Variants in PTGR1 observed in about 807,000 individuals in gnomAD.
The protein encoded by PTGR1 is prostaglandin reductase 1.
A neutral mutation model predicts 37.7 loss-of-function variants in PTGR1; 23 were observed. The ratio of observed to expected loss-of-function variants is 0.61; its 90% CI spans 0.44 to 0.86. The LOEUF is 0.86. Among genes scored for constraint, PTGR1 ranks in the 40% least tolerant of loss-of-function variants. The pLI is 0.00. For synonymous variants in PTGR1, 134 were observed against 140.0 expected (o/e 0.96, Z 0.30); for missense variants, 351 against 394.3 (o/e 0.89, Z 0.93).
chr9:111,562,448 G>T (rs1425628577), downstream of PTGR1: 1 of 151,724 alleles, frequency 6.6e-6, no homozygotes, highest in Non-Finnish European at 1.5e-5. Flanking sequence ...GCTAATTTTT[G>T]TATTTTCAGT....
intron 9 of PTGR1, among the ~76,000 whole-genome samples, chr9:111,566,904 T>C (rs983095811): frequency 6.6e-6 from 1 of 152,030 alleles, no homozygotes; most frequent in Non-Finnish European, 1.5e-5. Context: ...CTGGGCAACA[T>C]GGTGAAAGCC....
chr9:111,563,002 C>G lies in PTGR1; in HGVS notation c.*119G>C. The G allele has an allele frequency of 1.4e-6, 2 of 1,448,584 alleles. No individual in the cohort carries two copies. Among genetic ancestry groups the G allele is most frequent in the Non-Finnish European group, 9.1e-7 (1 of 1,103,116 alleles). The allele number at this position is 1,448,584 out of a possible 1,614,324, so 89.7% of individuals were successfully genotyped here. On this transcript the variant is annotated 3_prime_UTR_variant, in exon 10 of 10. Transcript: ENST00000407693. ...CTTAAATGTATTTTATTAAGTAGCT[C>G]AAACTCATTATGAGTACTATTTCTT...
At chr9:111,561,160 A>G (rs1355101319), downstream of PTGR1, among the ~76,000 whole-genome samples, 3 of 139,152 alleles carry the variant, frequency 2.2e-5, no homozygotes, top group Admixed American at 7.2e-5. Context: ...AGAGAGAGAG[A>G]GAGAGAGAGA....
At chr9:111,587,643 G>C (rs1308246402) in intron 4 of PTGR1, among the ~76,000 whole-genome samples, 4 of 152,090 alleles carry the variant, frequency 2.6e-5, no homozygotes, top group African/African-American at 7.2e-5. Context: ...GTAGAGACGG[G>C]GTTTTGCCAT....
intron 8 of PTGR1, among the ~76,000 whole-genome samples, chr9:111,570,415 G>A (rs1451671673): frequency 2.0e-5 from 3 of 152,024 alleles, no homozygotes; most frequent in African/African-American, 7.3e-5. Context: ...CCCCAAACAT[G>A]TTCATATCCA....
In PTGR1 at chr9:111,586,108, T is replaced by A. The variant is rs144740088; in HGVS notation, c.267A>T (p.Pro89=). The A allele has an allele frequency of 3.1e-6, 5 of 1,614,224 alleles. No homozygotes were observed. The East Asian group carries it at 1.1e-4, about 36-fold the overall frequency. Residue 89 remains proline, a synonymous_variant, in exon 5 of 10, where the codon CCA becomes CCT. Transcript: ENST00000407693. ...CAGAAATGGAGTGCGTTGTCCAGCC[T>A]GGAGAAGCCAGTACAATAGTTCCTT... ...LPKGTIVLAS[P]GWTTHSISDG...
intron 9 of PTGR1, among the ~76,000 whole-genome samples, chr9:111,556,770 T>A (rs1273428430): frequency 6.6e-6 from 1 of 152,230 alleles, no homozygotes; most frequent in Non-Finnish European, 1.5e-5. Flanking sequence ...TCTCCCCTGC[T>A]GCCATGTGAA....
At chr9:111,555,735 GA>G (rs1188041461) in intron 9 of PTGR1, among the ~76,000 whole-genome samples, 1 of 152,154 alleles carries the variant, frequency 6.6e-6, no homozygotes, top group Non-Finnish European at 1.5e-5. Flanking sequence ...ACTATCATGA[GA>G]ACAACAGGAG....
At chr9:111,577,941 C>A (rs1358784207) in intron 7 of PTGR1, 1 of 152,072 alleles carries the variant, frequency 6.6e-6, no homozygotes, top group Admixed American at 6.6e-5. Flanking sequence ...TCATAAGAGA[C>A]CACTTTTAGT....
At position 111,597,450 on chromosome 9, in the gene PTGR1, T is replaced by G. The variant is rs1406649674; in HGVS notation, c.-10-18A>C. On this transcript the variant is annotated intron_variant, in intron 1 of 9. Transcript: ENST00000407693. ...TGAAGCTCCTAGAACACAGTAAATA[T>G]GTAGTCAACTGCCATGAAGTGACTG... 2 of 1,491,310 alleles carry G rather than the reference T, an allele frequency of 1.3e-6. No homozygotes were observed. The highest frequency in any genetic ancestry group is 1.9e-6 in the Non-Finnish European group (2 of 1,075,630). 92.4% of individuals were successfully genotyped at this position (1,491,310 alleles called of 1,614,324 possible).
chr9:111,574,830 A>G lies in PTGR1; in HGVS notation c.664T>C (p.Phe222Leu), dbSNP rs1286356286. The G allele has an allele frequency of 3.1e-6, 5 of 1,612,440 alleles. No homozygotes were observed. The African/African-American group carries it at 6.7e-5, about 22-fold the overall frequency. ...DCYFDNVGGE[F>L]SNTVIGQMKK... ...ATCTGGCCGATAACAGTGTTTGAAA[A>G]CTCTCCACCTACCTAAACAGATAGC... Residue 222 changes from phenylalanine (F) to leucine (L), a missense_variant, in exon 8 of 10, where the codon TTT (phenylalanine) becomes CTT (leucine). By Grantham distance (22) the Phe-to-Leu change is conservative. Transcript: ENST00000407693.
At chr9:111,553,070 C>T (rs980440357) in intron 9 of PTGR1, among the ~76,000 whole-genome samples, 2 of 152,306 alleles carry the variant, frequency 1.3e-5, no homozygotes, top group African/African-American at 2.4e-5. Context: ...AAATTTCACT[C>T]GCAGTTCATA....
intron 9 of PTGR1, among the ~76,000 whole-genome samples, chr9:111,555,944 T>C (rs1430072344): frequency 6.6e-6 from 1 of 152,176 alleles, no homozygotes; most frequent in African/African-American, 2.4e-5. Flanking sequence ...CTTAACTCAT[T>C]CTAGCATTAA....
downstream of PTGR1, among the ~76,000 whole-genome samples, chr9:111,558,455 A>G (rs540204295): frequency 2.6e-5 from 4 of 152,256 alleles, no homozygotes; most frequent in East Asian, 3.9e-4. Context: ...AGGTAAGAGG[A>G]TCTCTTTAGC....
chr9:111,558,971 T>G (rs1038795118), downstream of PTGR1, among the ~76,000 whole-genome samples: 3 of 152,044 alleles, frequency 2.0e-5, no homozygotes. Context: ...CTGCAGATGC[T>G]CCTCCATTCC....
intron 9 of PTGR1, chr9:111,563,516 T>C (rs866964540): frequency 1.8e-5 from 4 of 220,246 alleles, no homozygotes; most frequent in Non-Finnish European, 3.6e-5. Flanking sequence ...TTTCTTTTTT[T>C]TTTTTTTGAG....
At chr9:111,597,862 C>T (rs1447277936) in intron 1 of PTGR1, among the ~76,000 whole-genome samples, 3 of 152,190 alleles carry the variant, frequency 2.0e-5, no homozygotes, top group Non-Finnish European at 2.9e-5. Context: ...GAAAAAGCAT[C>T]AAACACAAAG....
At chr9:111,589,642 CTT>C (rs11324819) in intron 4 of PTGR1, among the ~76,000 whole-genome samples, 2 of 147,858 alleles carry the variant, frequency 1.4e-5, no homozygotes, top group Non-Finnish European at 1.5e-5. Flanking sequence ...AACATGAATA[CTT>C]TTTTTTTTTT....
intron 9 of PTGR1, among the ~76,000 whole-genome samples, chr9:111,567,273 C>T (rs749287033): frequency 7.9e-5 from 12 of 152,210 alleles, no homozygotes; most frequent in South Asian, 2.1e-4. Flanking sequence ...CTGCAACCTC[C>T]GCCTCCCAGG....
Sources: gnomAD v4.1 joint callset for allele counts (sites outside exome capture counted in the v4.1 genomes callset) on GRCh38, gnomAD v4.1.1 for gene constraint, MANE v1.5 for transcripts, NCBI Gene and HGNC (gene_info 2026-07-23, HGNC 2026-07-21) for gene names.